FSTL4: variants seen among roughly 807,000 people sequenced by gnomAD.
FSTL4 encodes the protein follistatin-related protein 4.
FSTL4 carries 28 observed loss-of-function variants against 78.2 expected under a neutral mutation model. The ratio of observed to expected loss-of-function variants is 0.36; its 90% CI spans 0.27 to 0.49. The LOEUF is 0.49. Among genes scored for constraint, FSTL4 ranks in the 20% least tolerant of loss-of-function variants. The pLI is 0.98. For missense variants in FSTL4, 922 were observed against 1,084.9 expected (o/e 0.85, Z 2.11); for synonymous variants, 422 against 440.5 (o/e 0.96, Z 0.53).
chr5:133,408,660 A>C (rs1756421297), intron 3 of FSTL4, among the ~76,000 whole-genome samples: 1 of 152,198 alleles, frequency 6.6e-6, no homozygotes. Flanking sequence ...CAAGTAACAC[A>C]GTAACACAGT....
the FSTL4 span, among the ~76,000 whole-genome samples, chr5:133,650,371 C>G: frequency 1.3e-5 from 2 of 152,168 alleles, no homozygotes; most frequent in Non-Finnish European, 2.9e-5. Flanking sequence ...TCACCATTAT[C>G]ACCAAACCCA....
the FSTL4 span, among the ~76,000 whole-genome samples, chr5:133,840,962 G>C: frequency 6.6e-6 from 1 of 152,390 alleles, no homozygotes; most frequent in East Asian, 1.9e-4. Context: ...GGAACTGCAT[G>C]GTTGGGAAGG....
intron 6 of FSTL4, chr5:133,256,576 C>G (rs1752387340): frequency 1.3e-5 from 2 of 152,280 alleles, no homozygotes; most frequent in Admixed American, 6.5e-5. Context: ...TCTGTTCCGT[C>G]TACCAGAGAT....
the FSTL4 span, among the ~76,000 whole-genome samples, chr5:133,670,867 T>A: frequency 3.3e-5 from 5 of 152,190 alleles, no homozygotes; most frequent in Admixed American, 2.0e-4. Context: ...GTATACTGGT[T>A]GTACAAATGG....
intron 3 of FSTL4, among the ~76,000 whole-genome samples, chr5:133,516,624 C>A (rs1193459635): frequency 6.6e-6 from 1 of 152,134 alleles, no homozygotes; most frequent in Admixed American, 6.6e-5. Context: ...AATGGGATTT[C>A]TTTTGGGAAC....
At chr5:133,805,251 C>A in the FSTL4 span, among the ~76,000 whole-genome samples, 10 of 152,066 alleles carry the variant, frequency 6.6e-5, no homozygotes, top group Non-Finnish European at 1.2e-4. Context: ...CAATCATGCC[C>A]CTACTCTGCC....
rs1035298772 is a variant in FSTL4 at position 133,341,393 on chromosome 5, G to A, written c.410-24741C>T. Among the ~76,000 whole-genome samples, 8 of 152,244 alleles carry A rather than the reference G, an allele frequency of 5.3e-5. No individual in the cohort carries two copies. The South Asian group carries it at 1.5e-3, about 28-fold the overall frequency. The stretch of plus-strand genomic sequence containing the variant: ...ACCATGAGGTGGCTTCCCACAGGAC[G>A]TGAGTTGGGCTCAGCGGCTGGCTCT... On this transcript the variant is annotated intron_variant, in intron 4 of 15. Coordinates refer to ENST00000265342, the MANE Select transcript of FSTL4 (RefSeq NM_015082.2).
At chr5:133,769,024 A>C in the FSTL4 span, among the ~76,000 whole-genome samples, 2 of 152,240 alleles carry the variant, frequency 1.3e-5, no homozygotes, top group Non-Finnish European at 2.9e-5. Context: ...ACATCAGTAC[A>C]TCTGAACTTC....
At chr5:133,310,356 G>C (rs1361126670) in intron 6 of FSTL4, among the ~76,000 whole-genome samples, 1 of 152,230 alleles carries the variant, frequency 6.6e-6, no homozygotes. Context: ...GAAGGGAGCT[G>C]ACACCACATT....
intron 3 of FSTL4, among the ~76,000 whole-genome samples, chr5:133,425,285 G>A (rs1165279946): frequency 1.3e-5 from 2 of 152,180 alleles, no homozygotes; most frequent in Non-Finnish European, 2.9e-5. Context: ...CTCTCAAGCT[G>A]TTTGAATGGC....
At chr5:133,755,618 G>A in the FSTL4 span, among the ~76,000 whole-genome samples, 14 of 152,036 alleles carry the variant, frequency 9.2e-5, no homozygotes, top group African/African-American at 3.4e-4. Context: ...CTGCCTGATG[G>A]GCTTCTACTT....
rs762313986 is a variant in FSTL4 at position 133,400,856 on chromosome 5, G to A, written c.291C>T (p.Tyr97=). 7.4e-6 allele frequency: 12 copies of A among 1,613,864 alleles called. No individual in the cohort carries two copies. The highest frequency in any genetic ancestry group is 1.7e-5 in the Admixed American group (1 of 60,004). The part of the protein sequence containing the change: ...CQCLEACRPS[Y]VPVCGSDGRF... ...TCCCATCAGAGCCGCACACAGGCAC[G>A]TAGCTGGGCCTGCATGCCTCCAGGC... Residue 97 remains tyrosine, a synonymous_variant, in exon 4 of 16, where the codon TAC becomes TAT. Coordinates refer to ENST00000265342, the MANE Select transcript of FSTL4 (RefSeq NM_015082.2).
chr5:133,580,268 T>G (rs924249014), intron 2 of FSTL4, among the ~76,000 whole-genome samples: 10 of 152,100 alleles, frequency 6.6e-5, no homozygotes, highest in Admixed American at 1.3e-4. Context: ...GGTCCTAGCT[T>G]GCAATTCCCA....
At chr5:133,288,340 T>G (rs1753184446) in intron 6 of FSTL4, among the ~76,000 whole-genome samples, 1 of 152,072 alleles carries the variant, frequency 6.6e-6, no homozygotes, top group Non-Finnish European at 1.5e-5. Flanking sequence ...TCCCCCATGG[T>G]GGGACAGGGA....
chr5:133,378,780 A>C (rs1014376502), intron 4 of FSTL4, among the ~76,000 whole-genome samples: 6 of 152,156 alleles, frequency 3.9e-5, no homozygotes, highest in Non-Finnish European at 8.8e-5. Flanking sequence ...ATGTAGGAAA[A>C]GTATCATTAA....
chr5:133,664,146 C>T, the FSTL4 span, among the ~76,000 whole-genome samples: 1 of 152,026 alleles, frequency 6.6e-6, no homozygotes, highest in South Asian at 2.1e-4. Context: ...GGTTTCCAGA[C>T]ACTGGAAATA....
At chr5:133,802,600 C>T in the FSTL4 span, among the ~76,000 whole-genome samples, 2 of 151,760 alleles carry the variant, frequency 1.3e-5, no homozygotes, top group South Asian at 4.2e-4. Flanking sequence ...TAAGATGATG[C>T]TGACCAAACT....
chr5:133,239,790 C>G (rs1017701615), intron 7 of FSTL4, among the ~76,000 whole-genome samples: 1 of 152,186 alleles, frequency 6.6e-6, no homozygotes, highest in African/African-American at 2.4e-5. Flanking sequence ...CACTCTGTAT[C>G]TAGCTAATCT....
chr5:133,409,383 C>T (rs1756434050), intron 3 of FSTL4, among the ~76,000 whole-genome samples: 2 of 152,224 alleles, frequency 1.3e-5, no homozygotes, highest in South Asian at 4.1e-4. Context: ...ATGGTTTCTC[C>T]TCCTTCTGGG....
Sources: allele counts gnomAD v4.1 joint callset (sites outside exome capture counted in the v4.1 genomes callset), GRCh38; gene constraint gnomAD v4.1.1; transcripts MANE v1.5; gene names NCBI Gene and HGNC (gene_info 2026-07-23, HGNC 2026-07-21).